Variants in CCDC158 observed in about 807,000 individuals in gnomAD.
CCDC158 encodes coiled-coil domain-containing protein 158.
A neutral mutation model predicts 138.6 loss-of-function variants in CCDC158; 116 were observed. The ratio of observed to expected loss-of-function variants is 0.84; its 90% CI spans 0.72 to 0.98. The LOEUF is 0.98. CCDC158 is among the 50% of genes least tolerant of loss of function. CCDC158 has a pLI of 0.00. For synonymous variants in CCDC158, 436 were observed against 442.4 expected, an observed-to-expected ratio of 0.99 and a Z score of 0.18; for missense variants, 1,265 against 1,306.1, an observed-to-expected ratio of 0.97 and a Z score of 0.48.
At chr4:76,325,831 C>G (rs200257544) in intron 23 of CCDC158, 26 bp downstream of exon 23, 9 of 1,590,054 alleles carry the variant, frequency 5.7e-6, no homozygotes, top group South Asian at 4.6e-5. Flanking sequence ...CAATTAATCA[C>G]GTCAATGATA....
chr4:76,367,818 T>G, intron 11 of CCDC158, 42 bp from the exon 12 acceptor site: 1 of 1,555,638 alleles, frequency 6.4e-7, no homozygotes, highest in Non-Finnish European at 8.7e-7. Context: ...TTTGGGAGGA[T>G]AGGTATAGGC....
intron 18 of CCDC158, chr4:76,344,490 G>C (rs1449927186): frequency 6.5e-6 from 5 of 763,764 alleles, no homozygotes; most frequent in Non-Finnish European, 1.2e-5. Flanking sequence ...GAGCTCAAGA[G>C]CTACAGGCTT....
In CCDC158 at chr4:76,362,219, C is replaced by T. The variant is rs1357922165; in HGVS notation, c.1927G>A (p.Glu643Lys). The T allele has an allele frequency of 6.2e-7, 1 of 1,614,092 alleles. No homozygotes were observed. Among genetic ancestry groups the T allele is most frequent in the Non-Finnish European group, 8.5e-7 (1 of 1,180,036 alleles). Residue 643 changes from glutamate to lysine, a missense_variant, in exon 13 of 25, where the codon GAG (glutamate) becomes AAG (lysine). Glu to Lys is a moderately conservative substitution (Grantham distance 56). Coordinates refer to ENST00000682701, the MANE Select transcript of CCDC158 (RefSeq NM_001394954.1). ...EKVKLVNAGSERLRAVKDIKQ... is the reference protein window; with the variant it reads ...EKVKLVNAGSKRLRAVKDIKQ... ...ATGTCCTTCACTGCACGGAGCCGCT[C>T]AGAGCCTGCATTCACCAGCTTCACC...
Position 76,416,184 on chromosome 4 carries a change from G to A in CCDC158, c.-116-4052C>T, listed in dbSNP as rs184756602. On this transcript the variant is annotated intron_variant, in intron 1 of 24. Coordinates refer to ENST00000682701, the MANE Select transcript of CCDC158 (RefSeq NM_001394954.1). The stretch of plus-strand genomic sequence containing the variant: ...TGCCTCAGCTGCCAGGCAGGGAACG[G>A]CCCCCTGTCCAGTGGACATGGGACC... Among the ~76,000 whole-genome samples, 268 of 152,180 alleles carry A rather than the reference G, an allele frequency of 1.8e-3. 2 individuals carry two copies. Among genetic ancestry groups the A allele is most frequent in the African/African-American group, 6.1e-3 (255 of 41,522 alleles).
chr4:76,384,598 A>G lies in CCDC158; in HGVS notation c.356T>C (p.Leu119Pro). The change falls in exon 5 of 25, where the codon CTT becomes CCT. Residue 119 changes from leucine (L) to proline (P), a missense_variant. By Grantham distance (98) the Leu-to-Pro change is moderately conservative (BLOSUM62 -3). Transcript: ENST00000682701. ...ATCTCTCTCCATTTGCATCTCCTGA[A>G]GTTTTGTTTGCAAATCAATGACTGA... Reference protein sequence around the residue: ...RQSVIDLQTKLQEMQMERDAM... With the variant: ...RQSVIDLQTKPQEMQMERDAM... 6.2e-7 allele frequency: 1 copy of G among 1,613,808 alleles called. No homozygotes were observed. The highest frequency in any genetic ancestry group is 8.5e-7 in the Non-Finnish European group (1 of 1,179,896).
At chr4:76,369,294 A>G (rs988385048) in intron 11 of CCDC158, 132 bp downstream of exon 11, 1 of 625,714 alleles carries the variant, frequency 1.6e-6, no homozygotes, top group Non-Finnish European at 2.5e-6. Flanking sequence ...TTGCTCACAG[A>G]ATCCATAGCT....
intron 19 of CCDC158, among the ~76,000 whole-genome samples, chr4:76,333,785 T>G (rs1395576749): frequency 6.6e-6 from 1 of 152,228 alleles, no homozygotes; most frequent in Non-Finnish European, 1.5e-5. Context: ...GGTGACACCT[T>G]GCACTGGGTA....
At chr4:76,352,990 T>C (rs1172297126) in intron 16 of CCDC158, 133 bp downstream of exon 16, 3 of 688,070 alleles carry the variant, frequency 4.4e-6, no homozygotes, top group Non-Finnish European at 6.9e-6. Context: ...TTTTCCTTTG[T>C]GCTAGGTGAT....
At chr4:76,352,950 T>C in intron 16 of CCDC158, 173 bp downstream of exon 16, 4 of 524,678 alleles carry the variant, frequency 7.6e-6, no homozygotes, top group Non-Finnish European at 6.2e-6. Flanking sequence ...CATTTTAAAA[T>C]TCAGAAACGC....
intron 24 of CCDC158, among the ~76,000 whole-genome samples, chr4:76,316,900 C>CAAAAAA (rs77150446): frequency 8.5e-4 from 53 of 62,398 alleles, no homozygotes; most frequent in Middle Eastern, 0.017. Flanking sequence ...CTTTTGCAGA[C>CAAAAAA]AAAAAAAAAA....
chr4:76,350,357 A>G (rs1245420701), intron 18 of CCDC158, among the ~76,000 whole-genome samples: 2 of 152,204 alleles, frequency 1.3e-5, no homozygotes, highest in East Asian at 3.8e-4. Flanking sequence ...TCCTGTTGCC[A>G]TATGTAAGAT....
Position 76,323,552 on chromosome 4 carries a change from T to TA in CCDC158, c.3170-144dup, listed in dbSNP as rs1166847715. On this transcript the variant is annotated intron_variant, in intron 23 of 24. Coordinates refer to ENST00000682701, the MANE Select transcript of CCDC158 (RefSeq NM_001394954.1). The stretch of plus-strand genomic sequence containing the variant: ...CAAATTCTAAAAGAGCTATAACACT[T>TA]AAAGGAAACTCTAAAACATGATTTT... The TA allele has an allele frequency of 1.2e-5, 7 of 573,380 alleles. No homozygotes were observed. In the Admixed American group the frequency reaches 1.7e-4, roughly 14 times the overall value. 35.5% of individuals were successfully genotyped at this position (573,380 alleles called of 1,614,324 possible). A position where few individuals can be genotyped will look rare whatever the true frequency, so the allele number is the denominator to read the frequency against.
At chr4:76,412,464 A>G (rs1368911294) in intron 1 of CCDC158, among the ~76,000 whole-genome samples, 1 of 152,128 alleles carries the variant, frequency 6.6e-6, no homozygotes, top group Non-Finnish European at 1.5e-5. Flanking sequence ...AATTTTTTTA[A>G]AAATAGCCTA....
At chr4:76,381,531 C>G (rs1424379498) in intron 8 of CCDC158, among the ~76,000 whole-genome samples, 1 of 152,176 alleles carries the variant, frequency 6.6e-6, no homozygotes, top group Non-Finnish European at 1.5e-5. Flanking sequence ...TGCCTGTAAC[C>G]CAGTTGTATC....
chr4:76,345,208 A>G, intron 18 of CCDC158: 1 of 946,896 alleles, frequency 1.1e-6, no homozygotes, highest in Admixed American at 1.7e-5. Context: ...AAACTTAGGA[A>G]AGTAGAGGGT....
At chr4:76,386,547 A>G (rs562041788) in intron 4 of CCDC158, among the ~76,000 whole-genome samples, 2 of 152,332 alleles carry the variant, frequency 1.3e-5, no homozygotes, top group South Asian at 2.1e-4. Flanking sequence ...GTGTACTTTC[A>G]TTTTCAATAA....
intron 3 of CCDC158, among the ~76,000 whole-genome samples, chr4:76,398,370 A>G (rs72657832): frequency 0.22 from 33,469 of 152,070 alleles, 3,911 homozygotes; most frequent in Middle Eastern, 0.28. Flanking sequence ...TAGGCTGTAA[A>G]AGTATATATC....
At chr4:76,347,583 G>C (rs1411061849) in intron 18 of CCDC158, among the ~76,000 whole-genome samples, 1 of 152,134 alleles carries the variant, frequency 6.6e-6, no homozygotes, top group Non-Finnish European at 1.5e-5. Flanking sequence ...GGGAGGGATA[G>C]CATTAGGAGA....
chr4:76,323,190 C>T (rs1720198730), intron 24 of CCDC158, 112 bp downstream of exon 24: 3 of 697,108 alleles, frequency 4.3e-6, no homozygotes, highest in African/African-American at 3.6e-5. Flanking sequence ...CTTCAGTTTA[C>T]AGTTGTTAAT....
Sources: allele counts gnomAD v4.1 joint callset (sites outside exome capture counted in the v4.1 genomes callset), GRCh38; gene constraint gnomAD v4.1.1; transcripts MANE v1.5; gene names NCBI Gene and HGNC (gene_info 2026-07-23, HGNC 2026-07-21).